ERICH2: variants seen among roughly 807,000 people sequenced by gnomAD.
ERICH2 encodes the protein glutamate rich 2.
A neutral mutation model predicts 17.4 loss-of-function variants in ERICH2; 17 were observed. The ratio of observed to expected loss-of-function variants is 0.98; its 90% CI spans 0.67 to 1.47. ERICH2 has a LOEUF of 1.47. Ranked by LOEUF, ERICH2 falls within the 40% of genes most tolerant of loss-of-function variation. The pLI is 0.00. For synonymous variants in ERICH2, 51 were observed against 61.1 expected (o/e 0.83, Z 0.77); for missense variants, 186 against 183.2 (o/e 1.01, Z -0.09).
At chr2:170,782,713 G>A (rs1269280495), upstream of ERICH2, among the ~76,000 whole-genome samples, 1 of 152,228 alleles carries the variant, frequency 6.6e-6, no homozygotes, top group Admixed American at 6.5e-5. Context: ...GGATACAAAA[G>A]TTGGCAAAAT....
At chr2:170,795,573 C>A (rs534041418) in intron 3 of ERICH2, among the ~76,000 whole-genome samples, 184 of 152,226 alleles carry the variant, frequency 1.2e-3, no homozygotes, top group African/African-American at 4.2e-3. Flanking sequence ...GTCTCAAACT[C>A]CTGGGCTCAA....
At chr2:170,776,307 C>A in the ERICH2 span, among the ~76,000 whole-genome samples, 1 of 152,010 alleles carries the variant, frequency 6.6e-6, no homozygotes, top group Non-Finnish European at 1.5e-5. Flanking sequence ...ATTAAAAATA[C>A]CATAGCTTGA....
the ERICH2 span, among the ~76,000 whole-genome samples, chr2:170,778,534 A>C: frequency 2.0e-5 from 3 of 152,088 alleles, no homozygotes; most frequent in South Asian, 6.2e-4. Context: ...TGTATATTAC[A>C]TATTATATAA....
rs185780952 is a variant in ERICH2 at position 170,798,935 on chromosome 2, T to A, written c.*41T>A. On this transcript the variant is annotated 3_prime_UTR_variant, in exon 5 of 5. Coordinates refer to ENST00000409885, the Ensembl canonical transcript of ERICH2. ...TTGAAGCTTCATGTATTTTCATTAA[T>A]GTATACCATGCAAATATAAAGACAA... 1,745 of 1,542,686 alleles carry A rather than the reference T, an allele frequency of 1.1e-3. 6 individuals are homozygous for A. The highest frequency in any genetic ancestry group is 1.3e-3 in the Non-Finnish European group (1,465 of 1,141,644).
chr2:170,789,784 C>T (rs1031215604), intron 2 of ERICH2, among the ~76,000 whole-genome samples: 17 of 152,074 alleles, frequency 1.1e-4, no homozygotes, highest in African/African-American at 4.1e-4. Context: ...TAATATAATG[C>T]TTCATTAAAT....
At chr2:170,798,829 A>G in exon 5 of ERICH2, 1 of 1,550,718 alleles carries the variant, frequency 6.4e-7, no homozygotes, top group South Asian at 1.2e-5. Flanking sequence ...CAGTGGTGAG[A>G]GTAAAGGAGA....
intron 3 of ERICH2, among the ~76,000 whole-genome samples, chr2:170,797,811 A>AAAAAAAAG: frequency 7.3e-6 from 1 of 136,752 alleles, no homozygotes; most frequent in Non-Finnish European, 1.5e-5. Context: ...AAAAAAAAAA[A>AAAAAAAAG]AAAGAAAGAA....
the ERICH2 span, chr2:170,778,275 C>T: frequency 1.3e-5 from 2 of 152,028 alleles, no homozygotes; most frequent in Non-Finnish European, 2.9e-5. Flanking sequence ...TCATCTCCTA[C>T]TTTCTGAAAA....
chr2:170,773,632 CAAAGT>C, the ERICH2 span, among the ~76,000 whole-genome samples: 251 of 152,288 alleles, frequency 1.6e-3, 3 homozygotes, highest in Admixed American at 4.1e-3. Flanking sequence ...CTGAACTTCT[CAAAGT>C]AGAGTATCTT....
chr2:170,783,976 A>G (rs1179273911), intron 1 of ERICH2: 1 of 1,443,406 alleles, frequency 6.9e-7, no homozygotes, highest in East Asian at 2.5e-5. Context: ...TAGAGTCATT[A>G]GTTTTACCTT....
upstream of ERICH2, among the ~76,000 whole-genome samples, chr2:170,780,406 TA>T (rs971916187): frequency 1.3e-5 from 2 of 152,234 alleles, no homozygotes; most frequent in African/African-American, 4.8e-5. Context: ...GTCTTACTGT[TA>T]AAATCAGGAT....
intron 2 of ERICH2, among the ~76,000 whole-genome samples, chr2:170,791,046 T>C: frequency 6.6e-6 from 1 of 151,792 alleles, no homozygotes; most frequent in Admixed American, 6.6e-5. Context: ...GTATCAAGAG[T>C]TGGATATTTG....
At chr2:170,788,936 T>A (rs1209678944) in intron 2 of ERICH2, among the ~76,000 whole-genome samples, 2 of 73,832 alleles carry the variant, frequency 2.7e-5, no homozygotes, top group East Asian at 4.4e-4. Context: ...GCCATATTCT[T>A]CTTCTTCTTT....
chr2:170,784,719 T>C (rs534508849), exon 2 of ERICH2: 2 of 1,546,664 alleles, frequency 1.3e-6, no homozygotes, highest in African/African-American at 2.7e-5. Flanking sequence ...ATATTGATGA[T>C]AAATTGTCAG....
intron 3 of ERICH2, among the ~76,000 whole-genome samples, chr2:170,797,496 G>A (rs764366497): frequency 6.6e-6 from 1 of 152,136 alleles, no homozygotes; most frequent in Non-Finnish European, 1.5e-5. Flanking sequence ...CTATGGATAG[G>A]AGGTAGAAAA....
chr2:170,789,556 A>G (rs1701235134), intron 2 of ERICH2, among the ~76,000 whole-genome samples: 1 of 152,100 alleles, frequency 6.6e-6, no homozygotes, highest in Non-Finnish European at 1.5e-5. Flanking sequence ...TTTATTTCGA[A>G]TATCACAAAT....
At chr2:170,793,345 A>G (rs572366681) in intron 3 of ERICH2, among the ~76,000 whole-genome samples, 1 of 152,220 alleles carries the variant, frequency 6.6e-6, no homozygotes, top group South Asian at 2.1e-4. Context: ...ACAGATGACA[A>G]TCCCACATTT....
At chr2:170,788,837 T>C (rs1701215932) in intron 2 of ERICH2, among the ~76,000 whole-genome samples, 1 of 152,186 alleles carries the variant, frequency 6.6e-6, no homozygotes. Flanking sequence ...AACACCTGAA[T>C]ACTCTTTACC....
intron 2 of ERICH2, among the ~76,000 whole-genome samples, chr2:170,786,947 G>A (rs1000333006): frequency 5.3e-5 from 8 of 152,054 alleles, no homozygotes; most frequent in Middle Eastern, 6.8e-3. Flanking sequence ...CTATTCTATC[G>A]TCTTTGTTAA....
Sources: allele counts gnomAD v4.1 joint callset (sites outside exome capture counted in the v4.1 genomes callset), GRCh38; gene constraint gnomAD v4.1.1; transcripts MANE v1.5; gene names NCBI Gene and HGNC (gene_info 2026-07-23, HGNC 2026-07-21).